The following MCM9 variants were observed in gnomAD, a reference collection of about 807,000 sequenced individuals.
MCM9 encodes the protein DNA helicase MCM9.
In MCM9, 55 loss-of-function variants were observed where a neutral mutation model predicts 72.8. The observed-to-expected ratio is 0.76, with a 90% confidence interval of 0.61 to 0.95. The LOEUF (loss-of-function observed/expected upper bound fraction) is 0.95. Among genes scored for constraint, MCM9 ranks in the 40% least tolerant of loss-of-function variants. The probability of loss-of-function intolerance (pLI) is 0.00; values close to 1 mark genes in which losing one functional copy is unlikely to be tolerated. For synonymous variants in MCM9, 480 were observed against 503.4 expected, an observed-to-expected ratio of 0.95 and a Z score of 0.62; for missense variants, 1,279 against 1,377.0, an observed-to-expected ratio of 0.93 and a Z score of 1.13.
At chr6:118,874,036 T>C (rs74220543) in intron 8 of MCM9, among the ~76,000 whole-genome samples, 110,978 of 152,056 alleles carry the variant, frequency 0.73, 41,526 homozygotes, top group South Asian at 0.83. Context: ...GGCGGATTGC[T>C]TGAGCCCAGA....
intron 8 of MCM9, among the ~76,000 whole-genome samples, chr6:118,901,656 T>C (rs1199398149): frequency 6.6e-6 from 1 of 152,238 alleles, no homozygotes; most frequent in Admixed American, 6.5e-5. Flanking sequence ...CATTCAGTTA[T>C]TCCTCAATTA....
intron 3 of MCM9, among the ~76,000 whole-genome samples, chr6:118,927,779 T>C (rs1184905902): frequency 6.6e-6 from 1 of 152,226 alleles, no homozygotes; most frequent in Non-Finnish European, 1.5e-5. Context: ...TGTAGTTTTA[T>C]TCCTAGAAAG....
chr6:118,845,887 CT>C (rs1444165511), intron 9 of MCM9, among the ~76,000 whole-genome samples: 2 of 151,770 alleles, frequency 1.3e-5, no homozygotes, highest in Non-Finnish European at 2.9e-5. Flanking sequence ...ATAAGTCTTC[CT>C]TGTACTAATT....
chr6:118,826,098 C>A (rs993597729), intron 13 of MCM9, 49 bp downstream of exon 13: 3 of 1,519,756 alleles, frequency 2.0e-6, no homozygotes, highest in Admixed American at 2.2e-5. Context: ...TCACTAAATG[C>A]CAAACAAGGA....
Position 118,853,306 on chromosome 6 carries a change from T to A in MCM9, c.1325+3065A>T, listed in dbSNP as rs563489497. ...TCTATCCAATGTCACAATGTTTTGA[T>A]AATTACAGCTTTATAGCAAATCTTA... On this transcript the variant is annotated intron_variant, in intron 9 of 13. Transcript: ENST00000619706. 2.5e-3 allele frequency among the ~76,000 whole-genome samples: 388 copies of A among 152,358 alleles called. 1 individual carries two copies. Among genetic ancestry groups the A allele is most frequent in the Non-Finnish European group, 4.1e-3 (278 of 68,026 alleles).
intron 8 of MCM9, among the ~76,000 whole-genome samples, chr6:118,875,235 A>G (rs1777859717): frequency 6.6e-6 from 1 of 152,244 alleles, no homozygotes. Flanking sequence ...TCAAAGAAGA[A>G]CTACATAAAT....
At chr6:118,834,768 G>A (rs1387086367) in intron 9 of MCM9, among the ~76,000 whole-genome samples, 1 of 151,888 alleles carries the variant, frequency 6.6e-6, no homozygotes, top group African/African-American at 2.4e-5. Flanking sequence ...TTGGCAGATG[G>A]ACAGATTGCA....
intron 9 of MCM9, among the ~76,000 whole-genome samples, chr6:118,843,668 ATGTATG>A (rs1159146515): frequency 1.3e-4 from 7 of 55,430 alleles, no homozygotes; most frequent in East Asian, 4.5e-4. Context: ...GTATATATAT[ATGTATG>A]TATATATATA....
chr6:118,893,530 C>G lies in MCM9; in HGVS notation c.1150+18120G>C, dbSNP rs1322950555. ...CCAAAGGTTACCTATTTAAATTTTCCAAGCACAGTGTGTAGAAAATCATTC... is the reference window on the plus strand; with the variant it reads ...CCAAAGGTTACCTATTTAAATTTTCGAAGCACAGTGTGTAGAAAATCATTC... On this transcript the variant is annotated intron_variant, in intron 8 of 13. Transcript: ENST00000619706. Among the ~76,000 whole-genome samples, 7 of 152,134 alleles carry G rather than the reference C, an allele frequency of 4.6e-5. No homozygotes were observed. In the East Asian group the frequency reaches 1.3e-3, roughly 29 times the overall value.
In MCM9 at chr6:118,814,390, C is replaced by CAAAAAAAA. The variant is rs59630533; in HGVS notation, c.*426_*433dup. The CAAAAAAAA allele has an allele frequency of 1.5e-4, 12 of 80,326 alleles. No homozygotes were observed. Among genetic ancestry groups the CAAAAAAAA allele is most frequent in the East Asian group, 3.0e-4 (1 of 3,300 alleles). 5.0% of individuals were successfully genotyped at this position (80,326 alleles called of 1,614,324 possible). A position where few individuals can be genotyped will look rare whatever the true frequency, so the allele number is the denominator to read the frequency against. Reference sequence around the variant, plus strand: ...ACTTAGCCCATTCCAGGTGAAAATACAAAAAAAAAAAAAAAAAGTAGAAAA... The same window carrying CAAAAAAAA: ...ACTTAGCCCATTCCAGGTGAAAATACAAAAAAAAAAAAAAAAAAAAAAAAAGTAGAAAA... On this transcript the variant is annotated 3_prime_UTR_variant, in exon 14 of 14. Transcript: ENST00000619706.
At chr6:118,875,345 TC>T (rs1200724320) in intron 8 of MCM9, among the ~76,000 whole-genome samples, 2 of 152,248 alleles carry the variant, frequency 1.3e-5, no homozygotes, top group South Asian at 4.2e-4. Context: ...TAATCAAACT[TC>T]CAGCAAAAGC....
chr6:118,875,326 A>T (rs1388892155), intron 8 of MCM9, among the ~76,000 whole-genome samples: 2 of 152,220 alleles, frequency 1.3e-5, no homozygotes, highest in African/African-American at 4.8e-5. Flanking sequence ...CTACAGATTC[A>T]ACCCAAGCTA....
intron 9 of MCM9, among the ~76,000 whole-genome samples, chr6:118,854,587 A>C (rs1776439998): frequency 6.6e-6 from 1 of 152,232 alleles, no homozygotes; most frequent in Non-Finnish European, 1.5e-5. Flanking sequence ...CCCCGACCTC[A>C]GGTGATCCAC....
At chr6:118,915,983 C>T (rs1373407571) in intron 6 of MCM9, among the ~76,000 whole-genome samples, 2 of 152,018 alleles carry the variant, frequency 1.3e-5, no homozygotes, top group Non-Finnish European at 2.9e-5. Flanking sequence ...TAGAACTGAG[C>T]TGTGACACTG....
In MCM9 at chr6:118,820,312, G is replaced by GT. The variant is rs1773712157; in HGVS notation, c.1962-4019dup. ...CTTTAGCTGTGTCCCAGAGATTCTGGTATGTTTTGTCTTTGTTTTCATTGG... is the reference window on the plus strand; with the variant it reads ...CTTTAGCTGTGTCCCAGAGATTCTGGTTATGTTTTGTCTTTGTTTTCATTGG... On this transcript the variant is annotated intron_variant, in intron 13 of 13. Coordinates refer to ENST00000619706, the MANE Select transcript of MCM9 (RefSeq NM_017696.3). Among the ~76,000 whole-genome samples the GT allele has an allele frequency of 2.0e-5, 3 of 152,184 alleles. No individual in the cohort carries two copies. In the South Asian group the frequency reaches 6.2e-4, roughly 32 times the overall value.
chr6:118,885,567 AG>A (rs1562423136), intron 8 of MCM9, among the ~76,000 whole-genome samples: 1 of 152,218 alleles, frequency 6.6e-6, no homozygotes, highest in African/African-American at 2.4e-5. Flanking sequence ...TAAGTAACTT[AG>A]ATGAAACTGA....
intron 9 of MCM9, among the ~76,000 whole-genome samples, chr6:118,849,242 A>G (rs951554134): frequency 2.0e-5 from 3 of 151,874 alleles, no homozygotes; most frequent in African/African-American, 7.3e-5. Flanking sequence ...TAAGACAAGG[A>G]AGTACAAATG....
At chr6:118,926,155 C>G (rs1781875397) in intron 3 of MCM9, among the ~76,000 whole-genome samples, 1 of 152,192 alleles carries the variant, frequency 6.6e-6, no homozygotes, top group Admixed American at 6.5e-5. Flanking sequence ...TTTACCTATT[C>G]TGGAAATTTC....
At chr6:118,839,633 T>C (rs1459864309) in intron 9 of MCM9, among the ~76,000 whole-genome samples, 1 of 152,232 alleles carries the variant, frequency 6.6e-6, no homozygotes, top group African/African-American at 2.4e-5. Flanking sequence ...TTTGTTGATG[T>C]TGATGCTATT....
Sources: gnomAD v4.1 joint callset for allele counts (sites outside exome capture counted in the v4.1 genomes callset) on GRCh38, gnomAD v4.1.1 for gene constraint, MANE v1.5 for transcripts, NCBI Gene and HGNC (gene_info 2026-07-23, HGNC 2026-07-21) for gene names.